Variants in DPP9 observed in about 807,000 individuals in gnomAD.
DPP9 encodes the protein dipeptidyl peptidase 9.
Under a neutral mutation model 110.7 loss-of-function variants are expected in DPP9, and 50 were observed. That is an observed-to-expected ratio of 0.45 (90% CI 0.36 to 0.57). The LOEUF is 0.57. DPP9 is among the 20% of genes least tolerant of loss of function. The pLI, the probability that DPP9 is intolerant of heterozygous loss-of-function variation, is 0.00. For synonymous variants in DPP9, 561 were observed against 514.4 expected (o/e 1.09, Z -1.23); for missense variants, 1,022 against 1,217.9 (o/e 0.84, Z 2.39).
rs369770769 is a variant in DPP9 at position 4,695,371 on chromosome 19, C to T, written c.1353+7G>A. The T allele has an allele frequency of 2.6e-5, 41 of 1,558,882 alleles. No individual in the cohort carries two copies. The highest frequency in any genetic ancestry group is 3.3e-4 in the Middle Eastern group (2 of 5,982). On this transcript the variant is annotated splice_region_variant and intron_variant, in intron 12 of 21. Coordinates refer to ENST00000262960, the MANE Select transcript of DPP9 (RefSeq NM_139159.5). This position sits in a 1 kb window ranked among gnomAD's most constrained non-coding sequence, Gnocchi z 4.7. ...GCGGGCATACAGCCAGCGCTTGCCCCGCTTACATTGATCCAGACGTTGGTG... is the reference window on the plus strand; with the variant it reads ...GCGGGCATACAGCCAGCGCTTGCCCTGCTTACATTGATCCAGACGTTGGTG...
Position 4,694,219 on chromosome 19 carries a change from A to G in DPP9, c.1516+442T>C, listed in dbSNP as rs2091582832. On this transcript the variant is annotated intron_variant, in intron 13 of 21. Coordinates refer to ENST00000262960, the MANE Select transcript of DPP9 (RefSeq NM_139159.5). This position sits in a 1 kb window ranked among gnomAD's most constrained non-coding sequence, Gnocchi z 4.0. ...AGCAGGAGCTGGCAAATGTTTCTAC[A>G]AAGGGCTAGACAGTAAATCTTGGCC... is the stretch of plus-strand genomic sequence containing the variant. 4.2e-6 allele frequency: 1 copy of G among 239,324 alleles called. No homozygotes were observed. The highest frequency in any genetic ancestry group is 2.2e-5 in the African/African-American group (1 of 44,728). 14.8% of individuals were successfully genotyped at this position (239,324 alleles called of 1,614,324 possible).
chr19:4,705,293 G>A (rs921430946), intron 5 of DPP9, among the ~76,000 whole-genome samples: 2 of 152,142 alleles, frequency 1.3e-5, no homozygotes, highest in Admixed American at 6.5e-5. Flanking sequence ...GTGAGATCAC[G>A]GCTCACTGTA....
intron 18 of DPP9, chr19:4,683,897 T>A (rs2090294199): frequency 1.7e-5 from 22 of 1,311,092 alleles, no homozygotes; most frequent in Non-Finnish European, 2.3e-5. Flanking sequence ...CCATCCCTAA[T>A]AAAGGGACAT....
chr19:4,683,695 C>T lies in DPP9; in HGVS notation c.2179-66G>A, dbSNP rs759550958. Reference sequence around the variant, plus strand: ...GGTATGTCCCTCCCCTGCAGTGACACCTCTGCTCCTTTCAGGGCGTCTCTC... The same window carrying T: ...GGTATGTCCCTCCCCTGCAGTGACATCTCTGCTCCTTTCAGGGCGTCTCTC... On this transcript the variant is annotated intron_variant, in intron 18 of 21. Transcript: ENST00000262960. The T allele has an allele frequency of 5.6e-6, 9 of 1,612,554 alleles. No homozygotes were observed. In the African/African-American group the frequency reaches 9.3e-5, roughly 17 times the overall value.
At chr19:4,686,895 C>T (rs1011918195) in intron 16 of DPP9, among the ~76,000 whole-genome samples, 3 of 152,278 alleles carry the variant, frequency 2.0e-5, no homozygotes, top group Non-Finnish European at 2.9e-5. Context: ...TCATCTGCTG[C>T]GGTAGCGCTA....
chr19:4,694,849 C>T lies in DPP9; in HGVS notation c.1354-26G>A, dbSNP rs760314888. ...CTGTCCGGAAAGCAGATAGAAGATG[C>T]GTCAGAAGGTGTGGGTGGCCGGGCA... On this transcript the variant is annotated intron_variant, in intron 12 of 21. Transcript: ENST00000262960. The surrounding 1 kb of genome is among the most constrained non-coding windows in gnomAD (Gnocchi z 4.0). The T allele has an allele frequency of 8.4e-5, 135 of 1,610,504 alleles. No homozygotes were observed. Among genetic ancestry groups the T allele is most frequent in the Admixed American group, 1.2e-4 (7 of 59,870 alleles).
At chr19:4,706,700 C>T (rs773680863) in intron 4 of DPP9, among the ~76,000 whole-genome samples, 2 of 152,194 alleles carry the variant, frequency 1.3e-5, no homozygotes, top group Non-Finnish European at 1.5e-5. Context: ...CCTGTAATCC[C>T]AGCTACTCGT....
rs2090907321 is a variant in DPP9, at chr19:4,687,721, G to C, written c.1885+1036C>G. Among the ~76,000 whole-genome samples, 1 of 152,230 alleles carries C rather than the reference G, an allele frequency of 6.6e-6. No individual in the cohort carries two copies. The highest frequency in any genetic ancestry group is 2.1e-4 in the South Asian group (1 of 4,836). ...CCTGGAGAAGGTGAGTGGAAAGCCTGATAACCACGGCGGGTTTCAAACCAG... is the reference window on the plus strand; with the variant it reads ...CCTGGAGAAGGTGAGTGGAAAGCCTCATAACCACGGCGGGTTTCAAACCAG... On this transcript the variant is annotated intron_variant, in intron 16 of 21. Coordinates refer to ENST00000262960, the MANE Select transcript of DPP9 (RefSeq NM_139159.5). The surrounding 1 kb of genome is among the most constrained non-coding windows in gnomAD (Gnocchi z 4.7).
intron 20 of DPP9, among the ~76,000 whole-genome samples, chr19:4,680,722 C>T (rs975752318): frequency 1.3e-5 from 2 of 150,474 alleles, no homozygotes; most frequent in Non-Finnish European, 1.5e-5. Flanking sequence ...TTTGGGAGGC[C>T]AAGGCAGGTG....
At chr19:4,708,943 A>T (rs918400850) in intron 4 of DPP9, among the ~76,000 whole-genome samples, 7 of 152,154 alleles carry the variant, frequency 4.6e-5, no homozygotes, top group African/African-American at 1.7e-4. Flanking sequence ...CTTGAGAGAG[A>T]GTCTCGCACT....
chr19:4,715,178 C>A (rs1599949289), intron 3 of DPP9, among the ~76,000 whole-genome samples: 1 of 151,784 alleles, frequency 6.6e-6, no homozygotes, highest in South Asian at 2.1e-4. Context: ...TGCCACCATG[C>A]CCAACTAATG....
chr19:4,689,612 G>A lies in DPP9; in HGVS notation c.1707C>T (p.Arg569=), dbSNP rs1040548981. 1.3e-6 allele frequency: 2 copies of A among 1,574,534 alleles called. No homozygotes were observed. Among genetic ancestry groups the A allele is most frequent in the Non-Finnish European group, 1.7e-6 (2 of 1,161,036 alleles). ...TATGGGAGAAGCCGGGCGTGGTGAG[G>A]CGTACGATCTCGCCGGCCGCCTCAT... ...VSYEAAGEIV[R]LTTPGFSHSC... is the part of the protein sequence containing the mutation. The change falls in exon 15 of 22, where the codon CGC becomes CGT. Residue 569 remains arginine (R), a synonymous_variant. Coordinates refer to ENST00000262960, the MANE Select transcript of DPP9 (RefSeq NM_139159.5). The surrounding 1 kb of genome is among the most constrained non-coding windows in gnomAD (Gnocchi z 7.0).
chr19:4,713,982 G>C, intron 4 of DPP9, 99 bp downstream of exon 4: 3 of 1,451,352 alleles, frequency 2.1e-6, no homozygotes, highest in East Asian at 2.5e-5. Context: ...CATCCGAGCA[G>C]ATCTTCCAAC....
chr19:4,682,892 G>A lies in DPP9; in HGVS notation c.2332-54C>T, dbSNP rs745521230. 1.9e-6 allele frequency: 3 copies of A among 1,546,450 alleles called. No individual in the cohort carries two copies. Among genetic ancestry groups the A allele is most frequent in the Non-Finnish European group, 2.6e-6 (3 of 1,148,464 alleles). On this transcript the variant is annotated intron_variant, in intron 19 of 21. Coordinates refer to ENST00000262960, the MANE Select transcript of DPP9 (RefSeq NM_139159.5). The surrounding 1 kb of genome is among the most constrained non-coding windows in gnomAD (Gnocchi z 7.1). ...AGAGAGAGAGAGAGAAACAGGCGTC[G>A]GGTCCTACAGCCAGCATCAGCCGCT...
Position 4,688,790 on chromosome 19 carries a change from G to A in DPP9, c.1852C>T (p.Pro618Ser), listed in dbSNP as rs775387762. The change falls in exon 16 of 22, where the codon CCC becomes TCC. Residue 618 changes from proline to serine, a missense_variant. This residue lies in a region of DPP9 where 810 missense variants were observed against 920.6 expected (regional missense o/e 0.88). Transcript: ENST00000262960. ...TCCATCATGCTAGCCCAGAAGCGGG[G>A]CTGCTTGTGCAGGGGGTCGTCGTCG... ...GPDDDPLHKQ[P>S]RFWASMMEAA... 6.8e-7 allele frequency: 1 copy of A among 1,472,780 alleles called. No homozygotes were observed. Among genetic ancestry groups the A allele is most frequent in the Non-Finnish European group, 8.9e-7 (1 of 1,117,906 alleles). 91.2% of individuals were successfully genotyped at this position (1,472,780 alleles called of 1,614,324 possible).
chr19:4,715,023 T>TA (rs2145924234), intron 3 of DPP9, among the ~76,000 whole-genome samples: 1 of 46,666 alleles, frequency 2.1e-5, no homozygotes, highest in Non-Finnish European at 3.9e-5. Flanking sequence ...TATATACTTT[T>TA]TTTTTTTTTT....
In DPP9 at chr19:4,691,848, T is replaced by C. The variant is rs771474540; in HGVS notation, c.1517-891A>G. ...ACCTGCCACCATGCCCGGCTGGATT[T>C]TGTATTTTTAGTAGAGACGGGGTTT... On this transcript the variant is annotated intron_variant, in intron 13 of 21. Coordinates refer to ENST00000262960, the MANE Select transcript of DPP9 (RefSeq NM_139159.5). 2.8e-4 allele frequency among the ~76,000 whole-genome samples: 43 copies of C among 151,370 alleles called. 1 individual carries two copies. Among genetic ancestry groups the C allele is most frequent in the Non-Finnish European group, 4.4e-4 (30 of 67,746 alleles).
chr19:4,714,493 T>C (rs1193802634), intron 3 of DPP9, among the ~76,000 whole-genome samples, 156 bp from the exon 4 acceptor site: 1 of 152,006 alleles, frequency 6.6e-6, no homozygotes, highest in Non-Finnish European at 1.5e-5. Flanking sequence ...GGTCTACCTC[T>C]CTCCATGTCA....
At chr19:4,683,293 A>C in intron 19 of DPP9, 184 bp downstream of exon 19, 1 of 1,437,744 alleles carries the variant, frequency 7.0e-7, no homozygotes, top group Non-Finnish European at 9.1e-7. Context: ...GGTGGCGGGC[A>C]ATGAGGAGGG....
Sources: allele counts gnomAD v4.1 joint callset (sites outside exome capture counted in the v4.1 genomes callset), GRCh38; gene constraint gnomAD v4.1.1; regional missense constraint gnomAD v4.1.1; non-coding constraint Gnocchi (gnomAD v3.1); transcripts MANE v1.5; gene names NCBI Gene and HGNC (gene_info 2026-07-23, HGNC 2026-07-21).